Variants in ARRB1 observed in about 807,000 individuals in gnomAD.
ARRB1 encodes the protein beta-arrestin-1.
Under a neutral mutation model 56.8 loss-of-function variants are expected in ARRB1, and 21 were observed. The observed-to-expected ratio is 0.37, with a 90% confidence interval of 0.26 to 0.53. ARRB1 has a LOEUF of 0.53. Among genes scored for constraint, ARRB1 ranks in the 20% least tolerant of loss-of-function variants. The pLI, the probability that ARRB1 is intolerant of heterozygous loss-of-function variation, is 0.88. For synonymous variants in ARRB1, 210 were observed against 218.6 expected (o/e 0.96, Z 0.35); for missense variants, 424 against 553.7 (o/e 0.77, Z 2.35).
At chr11:75,295,779 G>A (rs1946727611) in intron 1 of ARRB1, among the ~76,000 whole-genome samples, 3 of 152,092 alleles carry the variant, frequency 2.0e-5, no homozygotes, top group African/African-American at 7.2e-5. Flanking sequence ...TAAATCCCAG[G>A]GCTGTCCCAC....
At chr11:75,305,959 G>C (rs753770568) in intron 1 of ARRB1, among the ~76,000 whole-genome samples, 7 of 152,086 alleles carry the variant, frequency 4.6e-5, no homozygotes, top group Non-Finnish European at 1.0e-4. Flanking sequence ...CAACCTGACT[G>C]ACCAAATTCC....
chr11:75,320,893 C>T (rs1947339822), intron 1 of ARRB1, among the ~76,000 whole-genome samples: 1 of 152,122 alleles, frequency 6.6e-6, no homozygotes, highest in African/African-American at 2.4e-5. Flanking sequence ...TTCATGGGGG[C>T]CTTTTCCTCT....
At chr11:75,314,647 C>A (rs749418418) in intron 1 of ARRB1, among the ~76,000 whole-genome samples, 2 of 152,098 alleles carry the variant, frequency 1.3e-5, no homozygotes, top group African/African-American at 2.4e-5. Flanking sequence ...GTTGCCCAGG[C>A]TGGAGTGCAG....
intron 1 of ARRB1, among the ~76,000 whole-genome samples, chr11:75,314,813 C>G (rs149493544): frequency 0.04 from 6,147 of 151,788 alleles, 353 homozygotes; most frequent in East Asian, 0.28. Context: ...CACCATGTTG[C>G]CCAGGCTGGT....
intron 1 of ARRB1, among the ~76,000 whole-genome samples, chr11:75,304,355 G>C (rs1449934654): frequency 1.3e-5 from 2 of 151,986 alleles, no homozygotes; most frequent in African/African-American, 4.8e-5. Flanking sequence ...AAGCCGAGAG[G>C]GTTCTCTGTG....
At chr11:75,282,181 A>C (rs1458024302) in intron 5 of ARRB1, 160 bp from the exon 6 acceptor site, 23 of 637,384 alleles carry the variant, frequency 3.6e-5, no homozygotes, top group Middle Eastern at 2.6e-4. Context: ...CCCATCTAAA[A>C]CTCTTTAGAT....
At chr11:75,313,456 A>G (rs1252496825) in intron 1 of ARRB1, among the ~76,000 whole-genome samples, 2 of 152,102 alleles carry the variant, frequency 1.3e-5, no homozygotes, top group African/African-American at 4.8e-5. Flanking sequence ...CTAGGGGGAG[A>G]GTCTGAGGAG....
chr11:75,274,799 A>C (rs1181311026), intron 10 of ARRB1: 1 of 151,604 alleles, frequency 6.6e-6, no homozygotes, highest in Non-Finnish European at 1.5e-5. Context: ...CTCAAAAAAA[A>C]AAAAAAAAAA....
chr11:75,337,124 C>T (rs1268023924), intron 1 of ARRB1, among the ~76,000 whole-genome samples: 1 of 152,152 alleles, frequency 6.6e-6, no homozygotes. Context: ...AGATTCCATC[C>T]CTCAATTCAA....
In ARRB1 at chr11:75,317,308, A is replaced by G. The variant is rs958905934; in HGVS notation, c.21-27269T>C. Among the ~76,000 whole-genome samples the G allele has an allele frequency of 9.2e-5, 14 of 152,038 alleles. 1 individual carries two copies. In the East Asian group the frequency reaches 2.1e-3, roughly 23 times the overall value. On this transcript the variant is annotated intron_variant, in intron 1 of 15. Transcript: ENST00000420843. ...AGCCTCTCACCCACCCTTAGCCCCT[A>G]TGGCCCATCTCCTCCCTCCAGGTGC...
At chr11:75,312,234 G>T in intron 1 of ARRB1, 1 of 1,032,364 alleles carries the variant, frequency 9.7e-7, no homozygotes, top group Non-Finnish European at 1.3e-6. Flanking sequence ...GCACCGCCAG[G>T]AACTGAGAAC....
Position 75,275,130 on chromosome 11 carries a change from T to TTATTTTATTTTATTTTATTTTATTG in ARRB1, c.777-920_777-919insCAATAAAATAAAATAAAATAAAATA, listed in dbSNP as rs1946168818. Reference sequence around the variant, plus strand: ...TAAACAAATTTAATTTAAATTTATTTTATTTTATTTTATTTTATTTTATTT... The same window carrying TTATTTTATTTTATTTTATTTTATTG: ...TAAACAAATTTAATTTAAATTTATTTTATTTTATTTTATTTTATTTTATTGTATTTTATTTTATTTTATTTTATTT... On this transcript the variant is annotated intron_variant, in intron 10 of 15. Coordinates refer to ENST00000420843, the MANE Select transcript of ARRB1 (RefSeq NM_004041.5). Among the ~76,000 whole-genome samples the TTATTTTATTTTATTTTATTTTATTG allele has an allele frequency of 2.7e-4, 40 of 146,892 alleles. No individual in the cohort carries two copies. The Admixed American group carries it at 2.7e-3, about 10-fold the overall frequency.
At chr11:75,333,878 G>C (rs1275525208) in intron 1 of ARRB1, among the ~76,000 whole-genome samples, 1 of 152,180 alleles carries the variant, frequency 6.6e-6, no homozygotes, top group Non-Finnish European at 1.5e-5. Context: ...GCAGAGGGAT[G>C]CACCGCACCC....
At chr11:75,292,277 T>C (rs1269173641) in intron 1 of ARRB1, among the ~76,000 whole-genome samples, 2 of 152,030 alleles carry the variant, frequency 1.3e-5, no homozygotes, top group Non-Finnish European at 2.9e-5. Context: ...GTAGCTAGGA[T>C]TACAGGCATG....
intron 1 of ARRB1, among the ~76,000 whole-genome samples, chr11:75,310,042 G>A (rs1009557955): frequency 6.6e-6 from 1 of 152,174 alleles, no homozygotes; most frequent in African/African-American, 2.4e-5. Flanking sequence ...CCTATCTGGA[G>A]TGACCTTCCC....
At chr11:75,268,071 A>G (rs1945974290) in intron 14 of ARRB1, among the ~76,000 whole-genome samples, 1 of 152,160 alleles carries the variant, frequency 6.6e-6, no homozygotes, top group Admixed American at 6.5e-5. Context: ...AACATCTCCA[A>G]ATTTGGAGTG....
chr11:75,270,027 C>G (rs1302145132), intron 13 of ARRB1, among the ~76,000 whole-genome samples: 1 of 152,256 alleles, frequency 6.6e-6, no homozygotes, highest in Non-Finnish European at 1.5e-5. Flanking sequence ...TGGTCAGAGG[C>G]ACAAGCCGTG....
At chr11:75,310,718 C>A (rs1033325498) in intron 1 of ARRB1, among the ~76,000 whole-genome samples, 11 of 152,180 alleles carry the variant, frequency 7.2e-5, no homozygotes, top group Admixed American at 7.2e-4. Flanking sequence ...AGGCAGTGGG[C>A]ATGGGCATTC....
intron 1 of ARRB1, among the ~76,000 whole-genome samples, chr11:75,291,691 C>A (rs2140442392): frequency 6.6e-6 from 1 of 152,212 alleles, no homozygotes; most frequent in East Asian, 1.9e-4. Context: ...AAGATAGAGA[C>A]AGAGACCGCG....
Sources: gnomAD v4.1 joint callset for allele counts (sites outside exome capture counted in the v4.1 genomes callset) on GRCh38, gnomAD v4.1.1 for gene constraint, MANE v1.5 for transcripts, NCBI Gene and HGNC (gene_info 2026-07-23, HGNC 2026-07-21) for gene names.